EPB41L2: variants seen among roughly 807,000 people sequenced by gnomAD.
The protein encoded by EPB41L2 is band 4.1-like protein 2.
In EPB41L2, 43 loss-of-function variants were observed where a neutral mutation model predicts 113.0. That is an observed-to-expected ratio of 0.38 (90% confidence interval 0.30 to 0.49). The LOEUF is 0.49. Ranked by LOEUF, EPB41L2 falls within the 20% of genes least tolerant of loss-of-function variation. EPB41L2 has a pLI of 0.95. For synonymous variants in EPB41L2, 442 were observed against 436.7 expected, an observed-to-expected ratio of 1.01 and a Z score of -0.15; for missense variants, 1,147 against 1,223.4, an observed-to-expected ratio of 0.94 and a Z score of 0.93.
At chr6:130,874,941 T>A (rs1787019580) in intron 14 of EPB41L2, among the ~76,000 whole-genome samples, 1 of 152,232 alleles carries the variant, frequency 6.6e-6, no homozygotes, top group Non-Finnish European at 1.5e-5. Context: ...GAAGGACAGG[T>A]TATGAAAAAT....
Position 130,996,788 on chromosome 6 carries a change from G to A in EPB41L2, c.-14-40289C>T, listed in dbSNP as rs182194429. Among the ~76,000 whole-genome samples, 644 of 152,194 alleles carry A rather than the reference G, an allele frequency of 4.2e-3. 4 individuals carry two copies. Among genetic ancestry groups the A allele is most frequent in the Middle Eastern group, 0.014 (4 of 294 alleles). ...GGAAATGTTCAACCAAAATGGTAAC[G>A]GTAATTATTCCTGAAATGTGGGTAC... On this transcript the variant is annotated intron_variant, in intron 1 of 19. Coordinates refer to ENST00000337057, the MANE Select transcript of EPB41L2 (RefSeq NM_001431.4).
chr6:130,902,568 G>A (rs998594791), intron 6 of EPB41L2, among the ~76,000 whole-genome samples: 2 of 152,086 alleles, frequency 1.3e-5, no homozygotes, highest in Admixed American at 6.5e-5. Context: ...TCCTTGACCC[G>A]TAGAAAAACA....
At chr6:130,867,359 T>C in intron 16 of EPB41L2, 100 bp downstream of exon 16, 1 of 1,482,670 alleles carries the variant, frequency 6.7e-7, no homozygotes, top group Non-Finnish European at 9.1e-7. Context: ...AAAAGCTACA[T>C]CAAAGCCAGA....
chr6:130,911,439 G>A (rs565846091), intron 4 of EPB41L2, among the ~76,000 whole-genome samples: 6 of 152,096 alleles, frequency 3.9e-5, no homozygotes, highest in African/African-American at 1.4e-4. Context: ...GTTGATGGGT[G>A]CAGCAAACCA....
intron 1 of EPB41L2, among the ~76,000 whole-genome samples, chr6:130,961,440 TC>T (rs1218241566): frequency 2.0e-5 from 3 of 152,168 alleles, no homozygotes; most frequent in African/African-American, 7.2e-5. Context: ...ATAAACCCAT[TC>T]TTTTTTTTCC....
intron 1 of EPB41L2, among the ~76,000 whole-genome samples, chr6:131,027,191 T>A (rs1791065946): frequency 6.6e-6 from 1 of 152,246 alleles, no homozygotes; most frequent in Non-Finnish European, 1.5e-5. Flanking sequence ...AAATTTTCTA[T>A]CTGTATCAGG....
chr6:131,032,743 C>T (rs984793123), intron 1 of EPB41L2, among the ~76,000 whole-genome samples: 1 of 152,118 alleles, frequency 6.6e-6, no homozygotes, highest in Non-Finnish European at 1.5e-5. Flanking sequence ...AAATAATAAC[C>T]ATAAGGTAAC....
At chr6:130,942,084 G>T (rs73618990) in intron 3 of EPB41L2, among the ~76,000 whole-genome samples, 1 of 152,036 alleles carries the variant, frequency 6.6e-6, no homozygotes, top group African/African-American at 2.4e-5. Flanking sequence ...ATGTTATACC[G>T]CATTCAATCC....
chr6:130,846,151 G>A (rs1012900328), intron 19 of EPB41L2, among the ~76,000 whole-genome samples: 1 of 152,136 alleles, frequency 6.6e-6, no homozygotes, highest in East Asian at 1.9e-4. Context: ...ATAGCTTCCC[G>A]ATATTAAGAC....
At chr6:130,888,683 G>A (rs138254727) in intron 11 of EPB41L2, among the ~76,000 whole-genome samples, 2 of 152,294 alleles carry the variant, frequency 1.3e-5, no homozygotes, top group African/African-American at 4.8e-5. Flanking sequence ...CTGTGGCAAG[G>A]GGCAAGGCTT....
At chr6:130,946,793 T>C (rs1311257104) in intron 3 of EPB41L2, among the ~76,000 whole-genome samples, 1 of 152,116 alleles carries the variant, frequency 6.6e-6, no homozygotes, top group African/African-American at 2.4e-5. Context: ...CAAACAAAAA[T>C]GCCCCCATGA....
chr6:130,866,168 GCATATATACGGGCA>G (rs1384542089), intron 16 of EPB41L2, among the ~76,000 whole-genome samples: 1 of 152,190 alleles, frequency 6.6e-6, no homozygotes, highest in Non-Finnish European at 1.5e-5. Flanking sequence ...CATGTTGTGA[GCATATATACGGGCA>G]CATATATTTC....
chr6:131,013,239 G>A (rs1179218695), intron 1 of EPB41L2, among the ~76,000 whole-genome samples: 1 of 150,340 alleles, frequency 6.7e-6, no homozygotes, highest in African/African-American at 2.5e-5. Context: ...GTTAACTAAA[G>A]AAAAAAAAAA....
chr6:131,021,797 T>C (rs1290391137), intron 1 of EPB41L2, among the ~76,000 whole-genome samples: 2 of 152,230 alleles, frequency 1.3e-5, no homozygotes, highest in Admixed American at 6.5e-5. Context: ...TCCCATTTTA[T>C]AGATGAAACT....
At chr6:130,969,799 A>G (rs192003296) in intron 1 of EPB41L2, among the ~76,000 whole-genome samples, 6 of 152,310 alleles carry the variant, frequency 3.9e-5, no homozygotes, top group Admixed American at 3.9e-4. Context: ...ACTGCACACT[A>G]TTAACCTTAC....
At chr6:130,846,468 C>T (rs933613119) in intron 19 of EPB41L2, among the ~76,000 whole-genome samples, 2 of 152,210 alleles carry the variant, frequency 1.3e-5, no homozygotes, top group African/African-American at 4.8e-5. Flanking sequence ...TATCACTAAA[C>T]TACTGCCGTT....
At chr6:130,928,791 T>A (rs1043027861) in intron 3 of EPB41L2, among the ~76,000 whole-genome samples, 3 of 152,366 alleles carry the variant, frequency 2.0e-5, no homozygotes, top group Admixed American at 6.5e-5. Flanking sequence ...GCATTTACTA[T>A]TACTGCACCG....
Position 131,029,476 on chromosome 6 carries a change from T to A in EPB41L2, c.-15+33679A>T, listed in dbSNP as rs190491025. On this transcript the variant is annotated intron_variant, in intron 1 of 19. Coordinates refer to ENST00000337057, the MANE Select transcript of EPB41L2 (RefSeq NM_001431.4). ...CCTGGCTAAATAGCACATTAATAACTGTCCTTTCAGAAGCTATACTTACAT... is the reference window on the plus strand; with the variant it reads ...CCTGGCTAAATAGCACATTAATAACAGTCCTTTCAGAAGCTATACTTACAT... Among the ~76,000 whole-genome samples the A allele has an allele frequency of 1.5e-3, 229 of 151,654 alleles. 5 individuals are homozygous for A. Among genetic ancestry groups the A allele is most frequent in the Admixed American group, 0.014 (206 of 15,236 alleles).
intron 5 of EPB41L2, among the ~76,000 whole-genome samples, chr6:130,905,457 C>A (rs541636845): frequency 6.7e-6 from 1 of 149,998 alleles, no homozygotes; most frequent in African/African-American, 2.5e-5. Context: ...CTCACTCTGT[C>A]GCCCAGGTTG....
Sources: allele counts gnomAD v4.1 joint callset (sites outside exome capture counted in the v4.1 genomes callset), GRCh38; gene constraint gnomAD v4.1.1; transcripts MANE v1.5; gene names NCBI Gene and HGNC (gene_info 2026-07-23, HGNC 2026-07-21).